The following CLYBL variants were observed in gnomAD, a reference collection of about 807,000 sequenced individuals.
CLYBL encodes the protein citramalyl-CoA lyase, also known as citramalyl-CoA lyase, mitochondrial.
Under a neutral mutation model 38.9 loss-of-function variants are expected in CLYBL, and 31 were observed. The ratio of observed to expected loss-of-function variants is 0.80; its 90% CI spans 0.60 to 1.08. CLYBL has a LOEUF of 1.08. Among genes scored for constraint, CLYBL ranks in the 50% least tolerant of loss-of-function variants. The pLI, the probability that CLYBL is intolerant of heterozygous loss-of-function variation, is 0.00. For missense variants in CLYBL, 434 were observed against 411.6 expected, an observed-to-expected ratio of 1.05 and a Z score of -0.47; for synonymous variants, 171 against 158.6, an observed-to-expected ratio of 1.08 and a Z score of -0.59.
intron 1 of CLYBL, among the ~76,000 whole-genome samples, chr13:99,751,669 A>G (rs1399939346): frequency 1.3e-5 from 2 of 152,106 alleles, no homozygotes; most frequent in Non-Finnish European, 2.9e-5. Flanking sequence ...GGAGGAGGGA[A>G]TGGGGAATTC....
chr13:99,901,408 C>T (rs73561207), downstream of CLYBL, among the ~76,000 whole-genome samples: 1,688 of 152,254 alleles, frequency 0.011, 35 homozygotes, highest in African/African-American at 0.038. Context: ...ATGTCTTAGG[C>T]CATGAGCTGC....
intron 1 of CLYBL, among the ~76,000 whole-genome samples, chr13:99,719,288 G>A (rs570120419): frequency 6.6e-6 from 1 of 151,792 alleles, no homozygotes; most frequent in African/African-American, 2.4e-5. Context: ...GAGACTACAG[G>A]CAGGCACCAC....
intron 2 of CLYBL, among the ~76,000 whole-genome samples, chr13:99,814,689 C>T (rs1439870594): frequency 2.0e-5 from 3 of 148,168 alleles, no homozygotes; most frequent in Non-Finnish European, 4.4e-5. Context: ...GAGCACACCA[C>T]TGTATTCCAG....
At chr13:99,851,313 G>A (rs1231407535) in intron 2 of CLYBL, among the ~76,000 whole-genome samples, 2 of 141,260 alleles carry the variant, frequency 1.4e-5, no homozygotes, top group Non-Finnish European at 3.0e-5. Flanking sequence ...GTTGCAGTGA[G>A]CCGAGATCAT....
chr13:99,894,653 T>G (rs2052549924), downstream of CLYBL: 1 of 151,534 alleles, frequency 6.6e-6, no homozygotes, highest in Non-Finnish European at 1.5e-5. Flanking sequence ...TTGAGATTTT[T>G]TTTTTTTGCA....
intron 1 of CLYBL, among the ~76,000 whole-genome samples, chr13:99,731,303 G>T (rs901750398): frequency 3.3e-5 from 5 of 150,658 alleles, no homozygotes; most frequent in African/African-American, 9.8e-5. Context: ...AAGTCTAGTT[G>T]CAGAATATAT....
intron 7 of CLYBL, among the ~76,000 whole-genome samples, chr13:99,875,776 A>G (rs2052023758): frequency 6.6e-6 from 1 of 152,228 alleles, no homozygotes; most frequent in South Asian, 2.1e-4. Context: ...ATGAGCAGGA[A>G]CACGAAAATC....
intron 1 of CLYBL, among the ~76,000 whole-genome samples, chr13:99,625,159 C>T (rs1044499319): frequency 4.6e-5 from 7 of 152,188 alleles, no homozygotes; most frequent in Admixed American, 3.3e-4. Context: ...TTGTGCTGTT[C>T]GTTTGCTGTC....
chr13:99,762,925 A>G (rs1046144125), intron 1 of CLYBL, among the ~76,000 whole-genome samples: 1 of 152,118 alleles, frequency 6.6e-6, no homozygotes, highest in African/African-American at 2.4e-5. Context: ...AATATTATTT[A>G]TAGCTATTAT....
In CLYBL at chr13:99,863,655, G is replaced by A. The variant is rs529115469; in HGVS notation, c.540+563G>A. ...TTGGCTGAGCCAAGTGTTTTCAGCCGTTGTGTGGTTGCACTAAACTACCGG... is the reference window on the plus strand; with the variant it reads ...TTGGCTGAGCCAAGTGTTTTCAGCCATTGTGTGGTTGCACTAAACTACCGG... On this transcript the variant is annotated intron_variant, in intron 4 of 8. Coordinates refer to ENST00000339105, the MANE Select transcript of CLYBL (RefSeq NM_206808.5). Among the ~76,000 whole-genome samples, 48 of 152,322 alleles carry A rather than the reference G, an allele frequency of 3.2e-4. 1 individual carries two copies. The South Asian group carries it at 4.6e-3, about 14-fold the overall frequency.
At chr13:99,717,779 C>G (rs2048340023) in intron 1 of CLYBL, among the ~76,000 whole-genome samples, 1 of 151,968 alleles carries the variant, frequency 6.6e-6, no homozygotes, top group African/African-American at 2.4e-5. Flanking sequence ...TAATCTGTTT[C>G]TTAAAGGCTT....
chr13:99,741,393 G>A (rs973895098), intron 1 of CLYBL, among the ~76,000 whole-genome samples: 1 of 152,174 alleles, frequency 6.6e-6, no homozygotes, highest in Non-Finnish European at 1.5e-5. Flanking sequence ...AGGAGAGAGT[G>A]ACAAGAACAT....
intron 1 of CLYBL, among the ~76,000 whole-genome samples, chr13:99,739,628 T>A (rs61974433): frequency 0.029 from 4,360 of 152,344 alleles, 75 homozygotes; most frequent in Middle Eastern, 0.12. Flanking sequence ...TTTAGTATTC[T>A]ACATGATAAT....
In CLYBL at chr13:99,706,084, G is replaced by A. The variant is rs541049351; in HGVS notation, c.63-66740G>A. Among the ~76,000 whole-genome samples, 6 of 151,898 alleles carry A rather than the reference G, an allele frequency of 4.0e-5. No individual in the cohort carries two copies. In the South Asian group the frequency reaches 6.2e-4, roughly 16 times the overall value. On this transcript the variant is annotated intron_variant, in intron 1 of 8. Transcript: ENST00000339105. ...GTAGCTGGGATTACAGGCTCGTGCC[G>A]TCATGCCCCGCCAATTTTTGTATTT...
intron 1 of CLYBL, among the ~76,000 whole-genome samples, chr13:99,715,804 G>A (rs1309719725): frequency 6.6e-6 from 1 of 152,034 alleles, no homozygotes; most frequent in African/African-American, 2.4e-5. Context: ...CTCAGGTCCC[G>A]GGGCTGCAGG....
At chr13:99,672,122 C>T (rs1344393617) in intron 1 of CLYBL, among the ~76,000 whole-genome samples, 9 of 152,122 alleles carry the variant, frequency 5.9e-5, no homozygotes, top group African/African-American at 2.2e-4. Context: ...TGTTAGAGCC[C>T]TTCTCAAGGA....
chr13:99,802,249 T>G (rs2050150890), intron 2 of CLYBL, among the ~76,000 whole-genome samples: 1 of 152,160 alleles, frequency 6.6e-6, no homozygotes, highest in East Asian at 1.9e-4. Flanking sequence ...TATCCTCACA[T>G]GACCAAGAAA....
chr13:99,810,925 T>C (rs1365733486), intron 2 of CLYBL, among the ~76,000 whole-genome samples: 1 of 152,114 alleles, frequency 6.6e-6, no homozygotes, highest in African/African-American at 2.4e-5. Context: ...AAAATTCCGT[T>C]CTCTTCTCCT....
chr13:99,675,829 G>T (rs545961426), intron 1 of CLYBL, among the ~76,000 whole-genome samples: 93 of 152,250 alleles, frequency 6.1e-4, no homozygotes, highest in African/African-American at 2.1e-3. Context: ...TATGAATAAT[G>T]CTGCTATGAA....
Sources: gnomAD v4.1 joint callset for allele counts (sites outside exome capture counted in the v4.1 genomes callset) on GRCh38, gnomAD v4.1.1 for gene constraint, MANE v1.5 for transcripts, NCBI Gene and HGNC (gene_info 2026-07-23, HGNC 2026-07-21) for gene names.